PARG: variants seen among roughly 807,000 people sequenced by gnomAD.
The protein encoded by PARG is poly(ADP-ribose) glycohydrolase, also known as mitochondrial poly(ADP-ribose) glycohydrolase.
PARG carries 35 observed loss-of-function variants against 113.0 expected under a neutral mutation model. That is an observed-to-expected ratio of 0.31 (90% CI 0.24 to 0.41). PARG has a LOEUF of 0.41. Ranked by LOEUF, PARG falls within the 10% of genes least tolerant of loss-of-function variation. The probability of loss-of-function intolerance (pLI) is 1.00; values close to 1 mark genes in which losing one functional copy is unlikely to be tolerated. For missense variants in PARG, 797 were observed against 1,169.4 expected, an observed-to-expected ratio of 0.68 and a Z score of 4.64; for synonymous variants, 330 against 409.9, an observed-to-expected ratio of 0.81 and a Z score of 2.36.
intron 6 of PARG, 134 bp downstream of exon 6, chr10:49,922,202 G>C: frequency 1.2e-6 from 1 of 837,216 alleles, no homozygotes; most frequent in Non-Finnish European, 1.9e-6. Flanking sequence ...GTCTCTAAGG[G>C]GCCTTCCTTA....
chr10:49,820,506 G>T (rs1037156411), intron 16 of PARG, among the ~76,000 whole-genome samples: 3 of 152,050 alleles, frequency 2.0e-5, no homozygotes, highest in Admixed American at 6.6e-5. Flanking sequence ...CAGATCACCT[G>T]AGACCAGGAG....
At chr10:49,920,958 C>T (rs1554849144) in intron 6 of PARG, among the ~76,000 whole-genome samples, 1 of 152,066 alleles carries the variant, frequency 6.6e-6, no homozygotes, top group East Asian at 1.9e-4. Context: ...ATCCCTGTAG[C>T]CAAAACAGTA....
chr10:49,857,175 A>G, intron 13 of PARG, 131 bp downstream of exon 13: 1 of 573,384 alleles, frequency 1.7e-6, no homozygotes, highest in Non-Finnish European at 3.1e-6. Context: ...ACTAAGTATA[A>G]ATTAATGGAT....
intron 7 of PARG, among the ~76,000 whole-genome samples, chr10:49,904,474 A>ACG (rs1848483679): frequency 1.3e-5 from 2 of 151,796 alleles, no homozygotes; most frequent in South Asian, 4.2e-4. Flanking sequence ...TTGAGTGGTA[A>ACG]TGATGTGTCA....
intron 16 of PARG, among the ~76,000 whole-genome samples, chr10:49,831,402 T>C (rs1844655569): frequency 6.6e-6 from 1 of 152,200 alleles, no homozygotes; most frequent in South Asian, 2.1e-4. Context: ...TATTGCTTGT[T>C]ACTTTGTAAC....
Position 49,879,622 on chromosome 10 carries a change from C to G in PARG, c.1988+51G>C, listed in dbSNP as rs1397838925. Reference sequence around the variant, plus strand: ...TTCATTCAAAAAATATTATTAGTTCCTTCCACCTTTGTCTTTTTCATTGTT... The same window carrying G: ...TTCATTCAAAAAATATTATTAGTTCGTTCCACCTTTGTCTTTTTCATTGTT... On this transcript the variant is annotated intron_variant, in intron 9 of 17. Transcript: ENST00000616448. The G allele has an allele frequency of 7.4e-6, 9 of 1,220,662 alleles. No individual in the cohort carries two copies. In the Admixed American group the frequency reaches 2.1e-4, roughly 29 times the overall value. 75.6% of individuals were successfully genotyped at this position (1,220,662 alleles called of 1,614,324 possible). A position where few individuals can be genotyped will look rare whatever the true frequency, so the allele number is the denominator to read the frequency against.
chr10:49,867,324 G>A lies in PARG; in HGVS notation c.2069-1943C>T, dbSNP rs370712119. ...ACGTTTCTTTATGGTCCCTTTCCTG[G>A]AAGGTCAAGTTAATTTCTCATTTAT... is the stretch of plus-strand genomic sequence containing the variant. On this transcript the variant is annotated intron_variant, in intron 10 of 17. Coordinates refer to ENST00000616448, the MANE Select transcript of PARG (RefSeq NM_003631.5). The A allele has an allele frequency of 1.0e-4, 15 of 143,828 alleles. No homozygotes were observed. In the East Asian group the frequency reaches 2.6e-3, roughly 25 times the overall value. The allele number at this position is 143,828 out of a possible 1,614,324, so 8.9% of individuals were successfully genotyped here.
chr10:49,906,363 C>T (rs1410392485), intron 7 of PARG, among the ~76,000 whole-genome samples: 1 of 151,964 alleles, frequency 6.6e-6, no homozygotes, highest in Non-Finnish European at 1.5e-5. Flanking sequence ...CTTCTTTCTA[C>T]CTTGAATTCA....
intron 13 of PARG, 137 bp downstream of exon 13, chr10:49,857,169 A>C: frequency 1.8e-6 from 1 of 556,764 alleles, no homozygotes; most frequent in Admixed American, 3.4e-5. Context: ...TCAAAAACTA[A>C]GTATAAATTA....
At position 49,856,919 on chromosome 10, in the gene PARG, G is replaced by A. The variant is rs1236925473; in HGVS notation, c.2353+387C>T. On this transcript the variant is annotated intron_variant, in intron 13 of 17. Transcript: ENST00000616448. ...AGCTACTCGGGAGGCTGAGGCAGGAGAATCGCTTGAACCTGGGAGGAGGAG... is the reference window on the plus strand; with the variant it reads ...AGCTACTCGGGAGGCTGAGGCAGGAAAATCGCTTGAACCTGGGAGGAGGAG... Among the ~76,000 whole-genome samples, 3 of 146,474 alleles carry A rather than the reference G, an allele frequency of 2.0e-5. No homozygotes were observed. In the Admixed American group the frequency reaches 2.1e-4, roughly 10 times the overall value.
chr10:49,892,634 C>T (rs559479261), intron 7 of PARG, among the ~76,000 whole-genome samples: 6 of 152,174 alleles, frequency 3.9e-5, no homozygotes, highest in Non-Finnish European at 7.4e-5. Context: ...ACTGAATACC[C>T]AAATACTATT....
chr10:49,937,291 A>C (rs1838795466), intron 1 of PARG, among the ~76,000 whole-genome samples: 8 of 152,172 alleles, frequency 5.3e-5, no homozygotes, highest in Admixed American at 2.6e-4. Flanking sequence ...CCTGGCTAAC[A>C]TGGTGAAACC....
chr10:49,868,466 C>A (rs1255850983), intron 10 of PARG, among the ~76,000 whole-genome samples: 1 of 152,092 alleles, frequency 6.6e-6, no homozygotes, highest in Non-Finnish European at 1.5e-5. Flanking sequence ...ATATCAAAAT[C>A]CTGATAATTG....
intron 7 of PARG, chr10:49,908,536 C>T (rs1468659295): frequency 3.3e-5 from 5 of 151,994 alleles, no homozygotes; most frequent in African/African-American, 9.7e-5. Context: ...ATCAGAGGTT[C>T]GAAAGCTAGA....
intron 7 of PARG, among the ~76,000 whole-genome samples, chr10:49,906,590 T>C (rs185752963): frequency 2.1e-3 from 325 of 152,290 alleles, no homozygotes; most frequent in Non-Finnish European, 4.0e-3. Context: ...TTAAACTCCC[T>C]AAACCTTGGT....
chr10:49,920,921 C>T (rs1234653918), intron 6 of PARG, among the ~76,000 whole-genome samples: 1 of 152,022 alleles, frequency 6.6e-6, no homozygotes, highest in Admixed American at 6.6e-5. Context: ...AATAAGGCTG[C>T]CCCTAAAACC....
At position 49,865,581 on chromosome 10, in the gene PARG, C is replaced by G. The variant is rs1471786015; in HGVS notation, c.2069-200G>C. ...ACAGAATATTGATTGAAAATAATATCCTTACAGTAGAAACTCCTTCTATAA... is the reference window on the plus strand; with the variant it reads ...ACAGAATATTGATTGAAAATAATATGCTTACAGTAGAAACTCCTTCTATAA... On this transcript the variant is annotated intron_variant, in intron 10 of 17. Transcript: ENST00000616448. Among the ~76,000 whole-genome samples the G allele has an allele frequency of 2.7e-4, 37 of 139,232 alleles. No individual in the cohort carries two copies. The Admixed American group carries it at 2.7e-3, about 10-fold the overall frequency. 91.3% of individuals were successfully genotyped at this position (139,232 alleles called of 152,430 possible).
chr10:49,820,416 T>C, intron 16 of PARG, 123 bp from the exon 17 acceptor site: 1 of 657,748 alleles, frequency 1.5e-6, no homozygotes, highest in Non-Finnish European at 2.5e-6. Context: ...CCAGTATACA[T>C]GGTATTAGAA....
intron 7 of PARG, among the ~76,000 whole-genome samples, chr10:49,897,668 TAG>T (rs1848154931): frequency 6.6e-6 from 1 of 152,236 alleles, no homozygotes; most frequent in African/African-American, 2.4e-5. Flanking sequence ...TAAGGGCATC[TAG>T]AGAGACTAAA....
Sources: gnomAD v4.1 joint callset for allele counts (sites outside exome capture counted in the v4.1 genomes callset) on GRCh38, gnomAD v4.1.1 for gene constraint, MANE v1.5 for transcripts, NCBI Gene and HGNC (gene_info 2026-07-23, HGNC 2026-07-21) for gene names.